The following ANKFN1 variants were observed in gnomAD, a reference collection of about 807,000 sequenced individuals.
The protein encoded by ANKFN1 is ankyrin repeat and fibronectin type III domain containing 1, also known as ankyrin repeat and fibronectin type-III domain-containing protein 1.
In ANKFN1, 74 loss-of-function variants were observed where a neutral mutation model predicts 108.7. That is an observed-to-expected ratio of 0.68 (90% CI 0.56 to 0.83). The LOEUF (loss-of-function observed/expected upper bound fraction) is 0.83, where lower values mean the gene tolerates loss of function less well. Ranked by LOEUF, ANKFN1 falls within the 40% of genes least tolerant of loss-of-function variation. ANKFN1 has a pLI of 0.00. For missense variants in ANKFN1, 1,505 were observed against 1,382.3 expected (o/e 1.09, Z -1.41); for synonymous variants, 547 against 516.2 (o/e 1.06, Z -0.81).
intron 4 of ANKFN1, among the ~76,000 whole-genome samples, chr17:56,121,334 C>T (rs140207569): frequency 6.6e-6 from 1 of 152,004 alleles, no homozygotes; most frequent in East Asian, 1.9e-4. Flanking sequence ...AGAATCAGCG[C>T]CTTAGTGTTA....
chr17:56,344,462 C>T (rs147648806), intron 4 of ANKFN1, among the ~76,000 whole-genome samples: 44 of 152,156 alleles, frequency 2.9e-4, no homozygotes, highest in African/African-American at 1.1e-3. Context: ...TTAGTCTTCA[C>T]TTCCTGCTTG....
intron 2 of ANKFN1, among the ~76,000 whole-genome samples, chr17:56,216,880 G>T (rs1915463702): frequency 6.6e-6 from 1 of 152,094 alleles, no homozygotes; most frequent in Non-Finnish European, 1.5e-5. Flanking sequence ...AGCTTACTGG[G>T]AATTCTAGTC....
intron 6 of ANKFN1, among the ~76,000 whole-genome samples, chr17:56,357,796 G>A (rs756936258): frequency 6.6e-6 from 1 of 152,118 alleles, no homozygotes; most frequent in Non-Finnish European, 1.5e-5. Flanking sequence ...TATAAGAGAG[G>A]AAAATTAATG....
intron 3 of ANKFN1, among the ~76,000 whole-genome samples, chr17:56,266,486 T>G (rs900530065): frequency 6.6e-6 from 1 of 152,086 alleles, no homozygotes; most frequent in Non-Finnish European, 1.5e-5. Context: ...CTGTGCACAT[T>G]GGTGGTTTCC....
intron 3 of ANKFN1, among the ~76,000 whole-genome samples, chr17:56,316,575 T>G (rs543127809): frequency 1.2e-3 from 178 of 152,256 alleles, no homozygotes; most frequent in African/African-American, 3.8e-3. Context: ...TTTGGAAATT[T>G]GGTCTTGGGG....
chr17:56,144,672 G>A (rs951838830), intron 4 of ANKFN1, among the ~76,000 whole-genome samples: 1 of 152,050 alleles, frequency 6.6e-6, no homozygotes, highest in African/African-American at 2.4e-5. Context: ...ATTTACTTAG[G>A]GACCACCTAG....
chr17:56,511,091 G>T lies in ANKFN1; in HGVS notation c.3263G>T (p.Arg1088Leu), dbSNP rs1478690834. ...CTCCAGGACGCGAGGCCTTCCGTCC[G>T]CCGCCTCTACGTGGAGCCCTACGCA... is the stretch of plus-strand genomic sequence containing the variant. ...SSLQDARPSV[R>L]RLYVEPYAAA... The change falls in exon 21 of 21, where the codon CGC becomes CTC. Residue 1088 changes from arginine to leucine, a missense_variant. Transcript: ENST00000682825. 1.3e-6 allele frequency: 2 copies of T among 1,535,972 alleles called. No homozygotes were observed. Among genetic ancestry groups the T allele is most frequent in the Non-Finnish European group, 1.7e-6 (2 of 1,146,848 alleles).
chr17:56,314,673 G>C (rs9899075), intron 3 of ANKFN1, among the ~76,000 whole-genome samples: 70,257 of 151,894 alleles, frequency 0.46, 17,293 homozygotes, highest in African/African-American at 0.64. Context: ...TAATAAGTAG[G>C]AAACCCAAGT....
intron 3 of ANKFN1, among the ~76,000 whole-genome samples, chr17:56,320,689 G>T (rs558934614): frequency 6.6e-6 from 1 of 152,146 alleles, no homozygotes; most frequent in African/African-American, 2.4e-5. Flanking sequence ...CGATTATCAC[G>T]TCGGTGCTAC....
At chr17:56,330,109 G>A (rs1193007312) in intron 4 of ANKFN1, among the ~76,000 whole-genome samples, 1 of 152,162 alleles carries the variant, frequency 6.6e-6, no homozygotes, top group African/African-American at 2.4e-5. Context: ...CTCATAGAAA[G>A]TGTTATAGAA....
intron 9 of ANKFN1, among the ~76,000 whole-genome samples, 191 bp from the exon 10 acceptor site, chr17:56,442,652 A>ATGTCAC: frequency 6.6e-6 from 1 of 152,150 alleles, no homozygotes. Context: ...ATATAAACAT[A>ATGTCAC]ATAGTCAAGA....
At chr17:56,361,364 T>C (rs8077784) in intron 6 of ANKFN1, among the ~76,000 whole-genome samples, 9,000 of 152,020 alleles carry the variant, frequency 0.059, 844 homozygotes, top group African/African-American at 0.2. Context: ...TATGCAGACT[T>C]TTCCCCATGA....
rs77068049 is a variant in ANKFN1, at chr17:56,266,465, G to A, written c.53+38508G>A. The stretch of plus-strand genomic sequence containing the variant: ...TTCTCCACTAGCAATTAACTAAGGT[G>A]ATAACCTACTCTGTGCACATTGGTG... On this transcript the variant is annotated intron_variant, in intron 3 of 20. Coordinates refer to ENST00000682825, the MANE Select transcript of ANKFN1 (RefSeq NM_001370326.1). Among the ~76,000 whole-genome samples, 201 of 152,246 alleles carry A rather than the reference G, an allele frequency of 1.3e-3. 4 individuals are homozygous for A. In the East Asian group the frequency reaches 0.036, roughly 27 times the overall value.
chr17:56,267,477 C>A (rs9916453), intron 3 of ANKFN1, among the ~76,000 whole-genome samples: 9,728 of 152,204 alleles, frequency 0.064, 344 homozygotes, highest in South Asian at 0.11. Context: ...TCATCATGAA[C>A]TCATTGACAG....
At chr17:56,363,432 T>C (rs1352893938) in intron 6 of ANKFN1, among the ~76,000 whole-genome samples, 4 of 152,018 alleles carry the variant, frequency 2.6e-5, no homozygotes, top group Non-Finnish European at 5.9e-5. Flanking sequence ...TAAGTGTCGG[T>C]GAGGATGTGG....
chr17:56,226,111 T>C (rs1296492425), intron 2 of ANKFN1, among the ~76,000 whole-genome samples: 1 of 152,150 alleles, frequency 6.6e-6, no homozygotes, highest in Non-Finnish European at 1.5e-5. Context: ...TTTTTTTTGT[T>C]TGGAAGGGCA....
chr17:56,224,911 TC>T (rs1298099204), intron 2 of ANKFN1: 1 of 152,294 alleles, frequency 6.6e-6, no homozygotes, highest in Non-Finnish European at 1.5e-5. Context: ...CCTACTGTGA[TC>T]CGAGGAGGGT....
At chr17:56,310,986 T>G (rs552124977) in intron 3 of ANKFN1, among the ~76,000 whole-genome samples, 14 of 152,234 alleles carry the variant, frequency 9.2e-5, no homozygotes, top group Non-Finnish European at 1.9e-4. Context: ...TTCAACTTTT[T>G]TAGATGCTAC....
chr17:56,358,641 A>G (rs2144707766), intron 6 of ANKFN1, among the ~76,000 whole-genome samples: 2 of 152,332 alleles, frequency 1.3e-5, no homozygotes, highest in Non-Finnish European at 2.9e-5. Flanking sequence ...ATCAGCCATT[A>G]TTGAAGTAGA....
Sources: allele counts gnomAD v4.1 joint callset (sites outside exome capture counted in the v4.1 genomes callset), GRCh38; gene constraint gnomAD v4.1.1; transcripts MANE v1.5; gene names NCBI Gene and HGNC (gene_info 2026-07-23, HGNC 2026-07-21).